Variants in CNTN5 observed in about 807,000 individuals in gnomAD.
The protein encoded by CNTN5 is contactin 5, also known as contactin-5.
In CNTN5, 77 loss-of-function variants were observed where a neutral mutation model predicts 129.1. The ratio of observed to expected loss-of-function variants is 0.60; its 90% confidence interval spans 0.50 to 0.72. The LOEUF is 0.72. CNTN5 is among the 30% of genes least tolerant of loss of function. The pLI is 0.00. For missense variants in CNTN5, 1,478 were observed against 1,328.8 expected, an observed-to-expected ratio of 1.11 and a Z score of -1.75; for synonymous variants, 509 against 465.6, an observed-to-expected ratio of 1.09 and a Z score of -1.20.
intron 3 of CNTN5, among the ~76,000 whole-genome samples, chr11:99,750,313 T>C (rs1409321244): frequency 6.6e-6 from 1 of 152,184 alleles, no homozygotes; most frequent in Non-Finnish European, 1.5e-5. Context: ...TAAGAAATGT[T>C]TCTTTGACAG....
chr11:99,736,179 G>T (rs766292142), intron 3 of CNTN5, among the ~76,000 whole-genome samples: 1 of 152,148 alleles, frequency 6.6e-6, no homozygotes, highest in Non-Finnish European at 1.5e-5. Flanking sequence ...TCTATTACTT[G>T]CAGCTTTCAA....
intron 1 of CNTN5, among the ~76,000 whole-genome samples, chr11:99,152,163 G>A (rs1860092582): frequency 6.6e-6 from 1 of 152,066 alleles, no homozygotes; most frequent in African/African-American, 2.4e-5. Flanking sequence ...AAAATCTACA[G>A]TCATTATGAT....
At chr11:100,106,103 C>T (rs1018313801) in intron 13 of CNTN5, among the ~76,000 whole-genome samples, 6 of 152,108 alleles carry the variant, frequency 3.9e-5, no homozygotes, top group Non-Finnish European at 7.4e-5. Flanking sequence ...TCGGTTTTCC[C>T]ACAAAGGGCG....
At chr11:99,038,880 G>A (rs566033209) in intron 1 of CNTN5, among the ~76,000 whole-genome samples, 8 of 151,868 alleles carry the variant, frequency 5.3e-5, no homozygotes, top group African/African-American at 1.7e-4. Context: ...CTTCACCACT[G>A]AACCAAAGCA....
At chr11:99,313,656 G>A (rs896430115) in intron 1 of CNTN5, among the ~76,000 whole-genome samples, 25 of 151,912 alleles carry the variant, frequency 1.6e-4, no homozygotes, top group African/African-American at 6.0e-4. Flanking sequence ...GGAATATTTT[G>A]TCTCCTTTAC....
At chr11:99,114,299 G>A (rs1024169206) in intron 1 of CNTN5, among the ~76,000 whole-genome samples, 2 of 152,052 alleles carry the variant, frequency 1.3e-5, no homozygotes, top group Admixed American at 6.6e-5. Flanking sequence ...TATCATTCGA[G>A]AGATGTAGTG....
At chr11:99,559,427 G>T (rs949331924) in intron 3 of CNTN5, among the ~76,000 whole-genome samples, 5 of 152,012 alleles carry the variant, frequency 3.3e-5, no homozygotes, top group Non-Finnish European at 5.9e-5. Flanking sequence ...AGTCATAAAA[G>T]CTTGGCATCT....
chr11:99,218,543 T>C (rs1390232175), intron 1 of CNTN5, among the ~76,000 whole-genome samples: 1 of 152,136 alleles, frequency 6.6e-6, no homozygotes, highest in African/African-American at 2.4e-5. Context: ...TATTAATTAT[T>C]CTGAGAAAAC....
At chr11:99,865,304 A>G (rs975050142) in intron 6 of CNTN5, among the ~76,000 whole-genome samples, 3 of 152,152 alleles carry the variant, frequency 2.0e-5, no homozygotes, top group African/African-American at 7.2e-5. Flanking sequence ...ATTCTCAAGA[A>G]TAAAGAACAG....
intron 21 of CNTN5, among the ~76,000 whole-genome samples, chr11:100,326,531 G>A (rs1365272633): frequency 6.6e-6 from 1 of 152,032 alleles, no homozygotes; most frequent in African/African-American, 2.4e-5. Context: ...CCTAGTTTAA[G>A]CTACGCTCAT....
At chr11:99,227,698 C>G (rs1347803681) in intron 1 of CNTN5, among the ~76,000 whole-genome samples, 1 of 152,014 alleles carries the variant, frequency 6.6e-6, no homozygotes, top group Non-Finnish European at 1.5e-5. Flanking sequence ...CGTTTGAATT[C>G]AAGATTATTT....
chr11:99,198,538 CAAAT>C (rs1261431968), intron 1 of CNTN5, among the ~76,000 whole-genome samples: 2 of 151,692 alleles, frequency 1.3e-5, no homozygotes, highest in African/African-American at 2.4e-5. Context: ...AAAGGGAAAA[CAAAT>C]AAAGACATTG....
chr11:99,644,681 A>C (rs1951885960), intron 3 of CNTN5, among the ~76,000 whole-genome samples: 1 of 152,182 alleles, frequency 6.6e-6, no homozygotes, highest in South Asian at 2.1e-4. Flanking sequence ...TATTTTGGCA[A>C]ATTATATTAA....
chr11:100,284,240 T>C (rs983898011), intron 18 of CNTN5, among the ~76,000 whole-genome samples: 4 of 152,228 alleles, frequency 2.6e-5, no homozygotes, highest in Admixed American at 1.3e-4. Flanking sequence ...GCTCACCTGA[T>C]TTTTGGTTCT....
chr11:99,424,856 G>A (rs538146597), intron 2 of CNTN5, among the ~76,000 whole-genome samples: 1 of 152,372 alleles, frequency 6.6e-6, no homozygotes, highest in East Asian at 1.9e-4. Flanking sequence ...TGTCCAGGAA[G>A]AATGAGGTAC....
chr11:100,064,154 A>C (rs950663446), intron 10 of CNTN5, among the ~76,000 whole-genome samples: 1 of 152,214 alleles, frequency 6.6e-6, no homozygotes, highest in African/African-American at 2.4e-5. Flanking sequence ...ATCTGTTAGA[A>C]GTACAGACTA....
intron 1 of CNTN5, among the ~76,000 whole-genome samples, chr11:99,080,647 T>A (rs1865753994): frequency 6.6e-6 from 1 of 152,180 alleles, no homozygotes; most frequent in South Asian, 2.1e-4. Flanking sequence ...ATTTTTGGAC[T>A]TGGGAATGGG....
rs1555167369 is a variant in CNTN5, at chr11:99,961,216, A to AAAAAAAC, written c.877+4213_877+4214insCAAAAAA. On this transcript the variant is annotated intron_variant, in intron 8 of 24. Transcript: ENST00000524871. ...TGAGACTCCGTCTCAGAAAAAAAAA[A>AAAAAAAC]AAAAAAAAACAGTAGAATATAGTGT... 2.1e-3 allele frequency among the ~76,000 whole-genome samples: 299 copies of AAAAAAAC among 144,888 alleles called. 9 individuals are homozygous for AAAAAAAC. Among genetic ancestry groups the AAAAAAAC allele is most frequent in the African/African-American group, 7.0e-3 (288 of 40,872 alleles).
intron 15 of CNTN5, among the ~76,000 whole-genome samples, chr11:100,198,296 G>A (rs1031993569): frequency 6.6e-6 from 1 of 151,854 alleles, no homozygotes; most frequent in African/African-American, 2.4e-5. Context: ...TTTTGTTGAA[G>A]ACTAGAAAGA....
Sources: gnomAD v4.1 joint callset for allele counts (sites outside exome capture counted in the v4.1 genomes callset) on GRCh38, gnomAD v4.1.1 for gene constraint, MANE v1.5 for transcripts, NCBI Gene and HGNC (gene_info 2026-07-23, HGNC 2026-07-21) for gene names.